Variants in TSHZ3 observed in about 807,000 individuals in gnomAD.
TSHZ3 encodes teashirt zinc finger homeobox 3, also known as teashirt homolog 3.
A neutral mutation model predicts 64.5 loss-of-function variants in TSHZ3; 10 were observed. The ratio of observed to expected loss-of-function variants is 0.16; its 90% CI spans 0.10 to 0.26. The LOEUF (loss-of-function observed/expected upper bound fraction) is 0.26, where lower values mean the gene tolerates loss of function less well. Ranked by LOEUF, TSHZ3 falls within the 10% of genes least tolerant of loss-of-function variation. The pLI, the probability that TSHZ3 is intolerant of heterozygous loss-of-function variation, is 1.00. For missense variants in TSHZ3, 1,242 were observed against 1,421.7 expected (o/e 0.87, Z 2.03); for synonymous variants, 608 against 593.1 (o/e 1.03, Z -0.36).
intron 4 of TSHZ3, among the ~76,000 whole-genome samples, chr19:31,212,719 C>T (rs1975274989): frequency 6.6e-6 from 1 of 152,140 alleles, no homozygotes; most frequent in South Asian, 2.1e-4. Context: ...TGAACATCCT[C>T]TTAGCATACC....
chr19:31,329,936 C>T (rs1917031923), intron 1 of TSHZ3, among the ~76,000 whole-genome samples: 1 of 152,118 alleles, frequency 6.6e-6, no homozygotes, highest in Non-Finnish European at 1.5e-5. Context: ...AACCACTCCT[C>T]ATTCTAATGG....
chr19:31,315,259 G>A (rs1022108546), intron 1 of TSHZ3, among the ~76,000 whole-genome samples: 1 of 151,812 alleles, frequency 6.6e-6, no homozygotes, highest in African/African-American at 2.4e-5. Flanking sequence ...CTTCTCCTTC[G>A]AGGCTCACAT....
chr19:31,232,770 A>G (rs1568354998), intron 3 of TSHZ3, among the ~76,000 whole-genome samples: 1 of 152,064 alleles, frequency 6.6e-6, no homozygotes, highest in African/African-American at 2.4e-5. Context: ...ACAGATATGT[A>G]TTTTTTTCTG....
intron 5 of TSHZ3, among the ~76,000 whole-genome samples, chr19:31,163,129 G>T (rs1974391418): frequency 6.6e-6 from 1 of 152,200 alleles, no homozygotes; most frequent in Non-Finnish European, 1.5e-5. Context: ...AAACTAGTGG[G>T]CCTTACAGAA....
chr19:31,183,511 C>T (rs961057322), intron 5 of TSHZ3, among the ~76,000 whole-genome samples: 4 of 152,136 alleles, frequency 2.6e-5, no homozygotes, highest in Admixed American at 2.0e-4. Flanking sequence ...ATCTTAATTG[C>T]TCGAATTGCC....
At chr19:31,261,750 T>C (rs191637272) in intron 1 of TSHZ3, among the ~76,000 whole-genome samples, 1 of 152,326 alleles carries the variant, frequency 6.6e-6, no homozygotes, top group Non-Finnish European at 1.5e-5. Flanking sequence ...GGGAGAGGTC[T>C]GAATTTTCTC....
chr19:31,175,612 G>A (rs1391396436), intron 5 of TSHZ3, among the ~76,000 whole-genome samples: 1 of 152,216 alleles, frequency 6.6e-6, no homozygotes, highest in African/African-American at 2.4e-5. Context: ...TTCCTCCTTG[G>A]CAGGGTCTTC....
intron 1 of TSHZ3, among the ~76,000 whole-genome samples, chr19:31,281,295 C>A: frequency 6.6e-6 from 1 of 152,016 alleles, no homozygotes; most frequent in Non-Finnish European, 1.5e-5. Context: ...CAGATAGGCC[C>A]CCCTCATTCC....
At chr19:31,229,701 C>A (rs935814997) in intron 3 of TSHZ3, among the ~76,000 whole-genome samples, 1 of 152,094 alleles carries the variant, frequency 6.6e-6, no homozygotes, top group Non-Finnish European at 1.5e-5. Context: ...AAGAAACTTG[C>A]AATGTATGTA....
At chr19:31,153,790 G>A (rs989494499) in intron 6 of TSHZ3, among the ~76,000 whole-genome samples, 1 of 152,136 alleles carries the variant, frequency 6.6e-6, no homozygotes, top group Non-Finnish European at 1.5e-5. Flanking sequence ...TGACTGTTAG[G>A]TAATTTTCCC....
chr19:31,321,442 C>T (rs1916768692), intron 1 of TSHZ3, among the ~76,000 whole-genome samples: 1 of 152,264 alleles, frequency 6.6e-6, no homozygotes, highest in African/African-American at 2.4e-5. Flanking sequence ...TTGTTTTTAA[C>T]TGCCCACCTA....
At chr19:31,160,255 C>T (rs905254188) in intron 5 of TSHZ3, among the ~76,000 whole-genome samples, 6 of 152,122 alleles carry the variant, frequency 3.9e-5, no homozygotes, top group Admixed American at 6.5e-5. Context: ...CTGGAGGCCT[C>T]CCTCTAGGTG....
rs114254165 is a variant in TSHZ3, at chr19:31,233,988, A to G, written n.551-5848T>C. On this transcript the variant is annotated intron_variant and non_coding_transcript_variant, in intron 3 of 6. Coordinates refer to the TSHZ3 transcript ENST00000651361. ...TTTTGTTTGGAATTTTGTTGAATCT[A>G]TAAGTCAGTTTGGGTACAAAGAACA... Among the ~76,000 whole-genome samples the G allele has an allele frequency of 9.6e-3, 1,437 of 150,108 alleles. 22 individuals carry two copies. Among genetic ancestry groups the G allele is most frequent in the African/African-American group, 0.033 (1,367 of 41,080 alleles).
intron 1 of TSHZ3, among the ~76,000 whole-genome samples, chr19:31,302,350 TAA>T (rs1447920354): frequency 6.6e-6 from 1 of 152,154 alleles, no homozygotes; most frequent in Non-Finnish European, 1.5e-5. Flanking sequence ...GAATGGGACA[TAA>T]GACTCCACAT....
upstream of TSHZ3, among the ~76,000 whole-genome samples, chr19:31,349,962 C>A (rs1456869439): frequency 6.8e-6 from 1 of 146,772 alleles, no homozygotes; most frequent in East Asian, 2.1e-4. Context: ...AAAGGGGTGC[C>A]GCCCCTCCGC....
intron 4 of TSHZ3, among the ~76,000 whole-genome samples, chr19:31,210,677 T>C (rs1395236621): frequency 1.3e-5 from 2 of 152,100 alleles, no homozygotes; most frequent in Non-Finnish European, 2.9e-5. Flanking sequence ...ACCTGCACGA[T>C]TTTCAACTCA....
chr19:31,204,563 C>G (rs987467673), intron 5 of TSHZ3, among the ~76,000 whole-genome samples: 8 of 152,186 alleles, frequency 5.3e-5, no homozygotes, highest in African/African-American at 1.7e-4. Context: ...CTTACACTTA[C>G]CCCAGCCATG....
intron 1 of TSHZ3, among the ~76,000 whole-genome samples, chr19:31,293,904 GGTA>G (rs1192407531): frequency 1.3e-5 from 2 of 152,208 alleles, no homozygotes; most frequent in African/African-American, 4.8e-5. Flanking sequence ...GGTCACTTCA[GGTA>G]GAAGTTTCCA....
intron 4 of TSHZ3, among the ~76,000 whole-genome samples, chr19:31,225,466 A>T (rs537058792): frequency 6.6e-6 from 1 of 152,296 alleles, no homozygotes; most frequent in South Asian, 2.1e-4. Flanking sequence ...TACCACAGCA[A>T]CATGTTCAAC....
Sources: gnomAD v4.1 joint callset for allele counts (sites outside exome capture counted in the v4.1 genomes callset) on GRCh38, gnomAD v4.1.1 for gene constraint, MANE v1.5 for transcripts, NCBI Gene and HGNC (gene_info 2026-07-23, HGNC 2026-07-21) for gene names.